Variants in PYGM observed in about 807,000 individuals in gnomAD.
PYGM encodes the protein glycogen phosphorylase, muscle form.
Under a neutral mutation model 99.3 loss-of-function variants are expected in PYGM, and 81 were observed. The ratio of observed to expected loss-of-function variants is 0.82; its 90% confidence interval spans 0.68 to 0.98. The LOEUF is 0.98. PYGM is among the 50% of genes least tolerant of loss of function. PYGM has a pLI of 0.00. For missense variants in PYGM, 1,030 were observed against 1,158.1 expected (o/e 0.89, Z 1.61); for synonymous variants, 436 against 451.5 (o/e 0.97, Z 0.44).
rs945844847 is a variant in PYGM at position 64,755,746 on chromosome 11, C to T, written c.661-188G>A. On this transcript the variant is annotated intron_variant, in intron 5 of 19. Transcript: ENST00000164139. The surrounding 1 kb of genome is among the most constrained non-coding windows in gnomAD (Gnocchi z 4.1). The stretch of plus-strand genomic sequence containing the variant: ...CTGGACCGCATCTAGAGCAAAGACA[C>T]CCTCAACACCTCCCCGACACCCATA... 3.3e-5 allele frequency among the ~76,000 whole-genome samples: 5 copies of T among 152,234 alleles called. No individual in the cohort carries two copies. Among genetic ancestry groups the T allele is most frequent in the African/African-American group, 9.6e-5 (4 of 41,464 alleles).
rs2058408938 is a variant in PYGM at position 64,758,422 on chromosome 11, G to A, written c.424+15C>T. 4 of 1,613,490 alleles carry A rather than the reference G, an allele frequency of 2.5e-6. No homozygotes were observed. In the East Asian group the frequency reaches 8.9e-5, roughly 36 times the overall value. On this transcript the variant is annotated intron_variant, in intron 3 of 19. Coordinates refer to ENST00000164139, the MANE Select transcript of PYGM (RefSeq NM_005609.4). The stretch of plus-strand genomic sequence containing the variant: ...CCCATCGGCCCACTCCACCCTCACG[G>A]CCCTGTCTTCTTACCTGCCAGCCGG...
intron 11 of PYGM, 73 bp downstream of exon 11, chr11:64,753,446 G>A (rs940018855): frequency 8.5e-5 from 127 of 1,500,186 alleles, no homozygotes; most frequent in Middle Eastern, 7.1e-4. Flanking sequence ...GGTGAAGGGC[G>A]GGGCTTCTGT....
rs934283930 is a variant in PYGM at position 64,754,889 on chromosome 11, G to T, written c.856-53C>A. 2 of 1,605,634 alleles carry T rather than the reference G, an allele frequency of 1.2e-6. No homozygotes were observed. Among genetic ancestry groups the T allele is most frequent in the African/African-American group, 2.7e-5 (2 of 74,810 alleles). On this transcript the variant is annotated intron_variant, in intron 7 of 19. Transcript: ENST00000164139. The surrounding 1 kb of genome is among the most constrained non-coding windows in gnomAD (Gnocchi z 5.5). ...CAGGGCGGTGGGGGCATGGCCTAAA[G>T]CTGCGGTGGGTGTGGCCAGGAGGGA...
rs576324291 is a variant in PYGM at position 64,747,490 on chromosome 11, C to T, written c.2178-132G>A. Reference sequence around the variant, plus strand: ...CTGCTGCTCCCCAGGGCTGCCACATCGCCCCTGCAGGGCCTCCCTGCAACT... The same window carrying T: ...CTGCTGCTCCCCAGGGCTGCCACATTGCCCCTGCAGGGCCTCCCTGCAACT... On this transcript the variant is annotated intron_variant, in intron 17 of 19. Coordinates refer to ENST00000164139, the MANE Select transcript of PYGM (RefSeq NM_005609.4). 4.5e-5 allele frequency: 55 copies of T among 1,229,504 alleles called. 1 individual carries two copies. The South Asian group carries it at 5.3e-4, about 12-fold the overall frequency. 76.2% of individuals were successfully genotyped at this position (1,229,504 alleles called of 1,614,324 possible). A position where few individuals can be genotyped will look rare whatever the true frequency, so the allele number is the denominator to read the frequency against.
chr11:64,746,604 T>A lies in PYGM; in HGVS notation c.*55A>T, dbSNP rs1466310639. 1 of 1,610,390 alleles carries A rather than the reference T, an allele frequency of 6.2e-7. No homozygotes were observed. ...CACCCTCTGCATGAGGTGCTGGGGC[T>A]GGCCCAAGAGAGTGTGACAGACTCA... On this transcript the variant is annotated 3_prime_UTR_variant, in exon 20 of 20. Transcript: ENST00000164139.
At chr11:64,749,982 T>C (rs1187968941) in intron 17 of PYGM, among the ~76,000 whole-genome samples, 7 of 151,980 alleles carry the variant, frequency 4.6e-5, no homozygotes, top group Non-Finnish European at 1.0e-4. Context: ...TTAGTAGAGA[T>C]GGGGTTTCAC....
At position 64,753,997 on chromosome 11, in the gene PYGM, G is replaced by A. The variant is rs752345472; in HGVS notation, c.1121C>T (p.Ala374Val). 2 of 1,606,588 alleles carry A rather than the reference G, an allele frequency of 1.2e-6. No individual in the cohort carries two copies. The highest frequency in any genetic ancestry group is 1.3e-5 in the African/African-American group (1 of 74,948). ...GGGCAGCACCGTGTGGTTGGTGTAG[G>A]CACAGGTCCTCACTGTCACATCCCA... ...KAWDVTVRTC[A>V]YTNHTVLPEA... Residue 374 changes from alanine to valine, a missense_variant, in exon 10 of 20, where the codon GCC becomes GTC. Transcript: ENST00000164139.
chr11:64,758,567 C>A (rs1486461691), intron 2 of PYGM, 36 bp downstream of exon 2: 4 of 1,613,234 alleles, frequency 2.5e-6, no homozygotes, highest in Non-Finnish European at 3.4e-6. Flanking sequence ...CAGTGGAATC[C>A]CCCAGTCCCC....
Position 64,753,125 on chromosome 11 carries a change from G to A in PYGM, c.1466C>T (p.Pro489Leu). 2 of 1,614,134 alleles carry A rather than the reference G, an allele frequency of 1.2e-6. No individual in the cohort carries two copies. Among genetic ancestry groups the A allele is most frequent in the Non-Finnish European group, 1.7e-6 (2 of 1,179,984 alleles). The stretch of plus-strand genomic sequence containing the variant: ...GTTACACAGAACCAGCCAGCGCCGA[G>A]GGGTGATGCCGTTGGTCTTATTCTG... ...KFQNKTNGIT[P>L]RRWLVLCNPG... is the part of the protein sequence containing the mutation. Residue 489 changes from proline to leucine, a missense_variant, in exon 12 of 20, where the codon CCT becomes CTT. Coordinates refer to ENST00000164139, the MANE Select transcript of PYGM (RefSeq NM_005609.4).
rs544895228 is a variant in PYGM at position 64,753,068 on chromosome 11, C to A, written c.1518+5G>T. 13 of 1,603,698 alleles carry A rather than the reference C, an allele frequency of 8.1e-6. No individual in the cohort carries two copies. Among genetic ancestry groups the A allele is most frequent in the Non-Finnish European group, 1.1e-5 (13 of 1,170,708 alleles). On this transcript the variant is annotated splice_donor_5th_base_variant and intron_variant, in intron 12 of 19. Transcript: ENST00000164139. ...GACTCTACTGGCCCTACGGTGGCCT[C>A]TCACCTCAGCAATGACCTCTGCCAG...
chr11:64,747,043 A>G (rs529833583), intron 18 of PYGM, 56 bp from the exon 19 acceptor site: 13 of 1,600,288 alleles, frequency 8.1e-6, no homozygotes, highest in African/African-American at 4.0e-5. Context: ...GATAAGTTCT[A>G]TGAGGTCAAG....
Position 64,758,244 on chromosome 11 carries a change from A to G in PYGM, c.528+2T>C. The G allele has an allele frequency of 1.9e-6, 3 of 1,609,530 alleles. No individual in the cohort carries two copies. In the East Asian group the frequency reaches 6.7e-5, roughly 36 times the overall value. On this transcript the variant is annotated splice_donor_variant, in intron 4 of 19. Transcript: ENST00000164139. LOFTEE classifies it high-confidence loss of function. ...CCACAAGTTAGAGCCAAGGCTGCTCACCTGCCAGCCCCCGGAGATCTTCTG... is the reference window on the plus strand; with the variant it reads ...CCACAAGTTAGAGCCAAGGCTGCTCGCCTGCCAGCCCCCGGAGATCTTCTG...
rs576632884 is a variant in PYGM, at chr11:64,756,113, G to A, written c.661-555C>T. ...CAGGGGTACATTCACTCCTCTAAGC[G>A]AGCCCTTTTAAGGGGCATCGCCCTC... On this transcript the variant is annotated intron_variant, in intron 5 of 19. Transcript: ENST00000164139. 4.6e-5 allele frequency among the ~76,000 whole-genome samples: 7 copies of A among 152,218 alleles called. 1 individual carries two copies. The highest frequency in any genetic ancestry group is 4.1e-4 in the South Asian group (2 of 4,820).
Position 64,755,855 on chromosome 11 carries a change from C to A in PYGM, c.661-297G>T, listed in dbSNP as rs894476065. On this transcript the variant is annotated intron_variant, in intron 5 of 19. Coordinates refer to ENST00000164139, the MANE Select transcript of PYGM (RefSeq NM_005609.4). This position sits in a 1 kb window ranked among gnomAD's most constrained non-coding sequence, Gnocchi z 4.1. ...AACCCAGGAGGGGCTCTGTTGGCGA[C>A]CACTCTGCAGCAATGGGGGCTGGGC... is the stretch of plus-strand genomic sequence containing the variant. Among the ~76,000 whole-genome samples the A allele has an allele frequency of 2.0e-5, 3 of 152,208 alleles. No individual in the cohort carries two copies. The highest frequency in any genetic ancestry group is 7.2e-5 in the African/African-American group (3 of 41,458).
At position 64,746,629 on chromosome 11, in the gene PYGM, A is replaced by G. The variant is rs2058309215; in HGVS notation, c.*30T>C. 1.2e-6 allele frequency: 2 copies of G among 1,613,616 alleles called. No homozygotes were observed. The highest frequency in any genetic ancestry group is 1.3e-5 in the African/African-American group (1 of 74,926). Reference sequence around the variant, plus strand: ...TGGCCCAAGAGAGTGTGACAGACTCAAGGGCTGGTTTGGGGTCTGGTCTGG... The same window carrying G: ...TGGCCCAAGAGAGTGTGACAGACTCGAGGGCTGGTTTGGGGTCTGGTCTGG... On this transcript the variant is annotated 3_prime_UTR_variant, in exon 20 of 20. Coordinates refer to ENST00000164139, the MANE Select transcript of PYGM (RefSeq NM_005609.4).
At chr11:64,750,811 C>A (rs1201655530) in intron 16 of PYGM, among the ~76,000 whole-genome samples, 1 of 152,252 alleles carries the variant, frequency 6.6e-6, no homozygotes, top group Non-Finnish European at 1.5e-5. Flanking sequence ...ACCTCTGTTG[C>A]AGATTTGAAG....
At chr11:64,749,090 G>T (rs1421722989) in intron 17 of PYGM, among the ~76,000 whole-genome samples, 1 of 151,136 alleles carries the variant, frequency 6.6e-6, no homozygotes, top group Non-Finnish European at 1.5e-5. Context: ...GCTCACCCCT[G>T]TAAGCCCAGC....
chr11:64,759,751 G>A lies in PYGM; in HGVS notation c.148C>T (p.Arg50Ter), dbSNP rs116987552. 4,580 of 1,614,240 alleles carry A rather than the reference G, an allele frequency of 2.8e-3. 12 individuals are homozygous for A. Among genetic ancestry groups the A allele is most frequent in the Non-Finnish European group, 3.6e-3 (4,285 of 1,180,038 alleles). Reference protein sequence around the residue: ...LVKDRNVATPRDYYFALAHTV... With the variant: ...LVKDRNVATP ...TGGGCCAGAGCAAAGTAGTAGTCTCGTGGGGTGGCCACATTGCGGTCCTTT... is the reference window on the plus strand; with the variant it reads ...TGGGCCAGAGCAAAGTAGTAGTCTCATGGGGTGGCCACATTGCGGTCCTTT... The change falls in exon 1 of 20, where the codon CGA becomes TGA. Residue 50 changes from arginine (R) to a stop codon, truncating the protein, a stop_gained. Transcript: ENST00000164139. LOFTEE classifies it high-confidence loss of function.
chr11:64,746,636 G>A lies in PYGM; in HGVS notation c.*23C>T, dbSNP rs748127013. ...AGAGAGTGTGACAGACTCAAGGGCT[G>A]GTTTGGGGTCTGGTCTGGAGGCTCA... On this transcript the variant is annotated 3_prime_UTR_variant, in exon 20 of 20. Transcript: ENST00000164139. The A allele has an allele frequency of 1.2e-6, 2 of 1,613,980 alleles. No individual in the cohort carries two copies. Among genetic ancestry groups the A allele is most frequent in the South Asian group, 2.2e-5 (2 of 91,092 alleles).
Sources: allele counts gnomAD v4.1 joint callset (sites outside exome capture counted in the v4.1 genomes callset), GRCh38; gene constraint gnomAD v4.1.1; non-coding constraint Gnocchi (gnomAD v3.1); transcripts MANE v1.5; gene names NCBI Gene and HGNC (gene_info 2026-07-23, HGNC 2026-07-21).